IDE: variants seen among roughly 807,000 people sequenced by gnomAD.
IDE encodes the protein insulin degrading enzyme, also known as insulin-degrading enzyme.
IDE carries 58 observed loss-of-function variants against 133.2 expected under a neutral mutation model. The ratio of observed to expected loss-of-function variants is 0.44; its 90% CI spans 0.35 to 0.54. The LOEUF (loss-of-function observed/expected upper bound fraction) is 0.54. IDE is among the 20% of genes least tolerant of loss of function. IDE has a pLI of 0.00. For missense variants in IDE, 981 were observed against 1,234.0 expected (o/e 0.79, Z 3.07); for synonymous variants, 396 against 421.3 (o/e 0.94, Z 0.73).
rs146324648 is a variant in IDE at position 92,477,812 on chromosome 10, T to C, written c.1884+1465A>G. Among the ~76,000 whole-genome samples the C allele has an allele frequency of 1.4e-4, 22 of 152,320 alleles. No individual in the cohort carries two copies. The East Asian group carries it at 3.9e-3, about 27-fold the overall frequency. On this transcript the variant is annotated intron_variant, in intron 15 of 24. Coordinates refer to ENST00000265986, the MANE Select transcript of IDE (RefSeq NM_004969.4). ...TGATTACTTTTCTATTTGGAGCTAATTTTGATCTCTGAGCTTCAAACTTCT... is the reference window on the plus strand; with the variant it reads ...TGATTACTTTTCTATTTGGAGCTAACTTTGATCTCTGAGCTTCAAACTTCT...
At chr10:92,571,678 T>C (rs1843794157) in intron 1 of IDE, among the ~76,000 whole-genome samples, 1 of 152,208 alleles carries the variant, frequency 6.6e-6, no homozygotes, top group South Asian at 2.1e-4. Flanking sequence ...CTTACATAAA[T>C]GCTTTAAGAC....
At chr10:92,500,495 AG>A (rs1847949330) in intron 11 of IDE, among the ~76,000 whole-genome samples, 1 of 152,222 alleles carries the variant, frequency 6.6e-6, no homozygotes, top group Non-Finnish European at 1.5e-5. Context: ...TACTTACATT[AG>A]GTATCGAAAG....
chr10:92,503,987 G>A (rs954783721), intron 11 of IDE, among the ~76,000 whole-genome samples: 2 of 151,498 alleles, frequency 1.3e-5, no homozygotes, highest in Non-Finnish European at 2.9e-5. Flanking sequence ...CAAAGTGCTG[G>A]GATTACAGGC....
intron 18 of IDE, among the ~76,000 whole-genome samples, chr10:92,469,691 T>C (rs1052868375): frequency 6.6e-6 from 1 of 152,158 alleles, no homozygotes; most frequent in Non-Finnish European, 1.5e-5. Context: ...ACTGAGATGA[T>C]AGGCGTGAGC....
intron 1 of IDE, among the ~76,000 whole-genome samples, chr10:92,550,124 C>T (rs1302063430): frequency 6.6e-6 from 1 of 152,016 alleles, no homozygotes; most frequent in Admixed American, 6.6e-5. Context: ...GCTGAGATCA[C>T]GCCATTGCAC....
rs1844873418 is a variant in IDE, at chr10:92,454,299, T to C, written c.*145A>G. 1 of 584,628 alleles carries C rather than the reference T, an allele frequency of 1.7e-6. No individual in the cohort carries two copies. The highest frequency in any genetic ancestry group is 3.1e-6 in the Non-Finnish European group (1 of 322,656). The allele number at this position is 584,628 out of a possible 1,614,324, so 36.2% of individuals were successfully genotyped here. A position where few individuals can be genotyped will look rare whatever the true frequency, so the allele number is the denominator to read the frequency against. Reference sequence around the variant, plus strand: ...TTTGTAATTTACTTTGGATTTATAATATTTCTACATAATGACATTTGACAA... The same window carrying C: ...TTTGTAATTTACTTTGGATTTATAACATTTCTACATAATGACATTTGACAA... On this transcript the variant is annotated 3_prime_UTR_variant, in exon 25 of 25. Transcript: ENST00000265986.
At chr10:92,486,096 C>A (rs944828400) in intron 13 of IDE, among the ~76,000 whole-genome samples, 1 of 152,110 alleles carries the variant, frequency 6.6e-6, no homozygotes, top group African/African-American at 2.4e-5. Context: ...TGCCTCTAAT[C>A]CCAGCACTTT....
chr10:92,487,083 G>C (rs911515587), intron 13 of IDE, 113 bp downstream of exon 13: 7 of 955,362 alleles, frequency 7.3e-6, no homozygotes, highest in Non-Finnish European at 1.1e-5. Context: ...TCACCTATTA[G>C]GATGTGAGCC....
chr10:92,514,709 T>G (rs549332026), intron 5 of IDE, among the ~76,000 whole-genome samples: 128 of 152,046 alleles, frequency 8.4e-4, no homozygotes, highest in African/African-American at 2.9e-3. Context: ...AATTTGTATT[T>G]TTTTTCAGAT....
intron 3 of IDE, among the ~76,000 whole-genome samples, chr10:92,532,710 C>T (rs1850007799): frequency 6.6e-6 from 1 of 152,120 alleles, no homozygotes. Flanking sequence ...GAATTTAACT[C>T]ATGATTCCTG....
rs1844808197 is a variant in IDE at position 92,452,750 on chromosome 10, C to T, written c.*1694G>A. On this transcript the variant is annotated 3_prime_UTR_variant, in exon 25 of 25. Transcript: ENST00000265986. ...CAGTGGTGGATCGGAACACTCAGGC[C>T]TAATTTCAGATCTGTCTTGTATATA... The T allele has an allele frequency of 6.6e-6, 1 of 152,156 alleles. No homozygotes were observed. The highest frequency in any genetic ancestry group is 2.4e-5 in the African/African-American group (1 of 41,442). The allele number at this position is 152,156 out of a possible 1,614,324, so 9.4% of individuals were successfully genotyped here.
intron 4 of IDE, among the ~76,000 whole-genome samples, chr10:92,522,930 AC>A (rs766345738): frequency 5.9e-5 from 9 of 152,204 alleles, no homozygotes; most frequent in Non-Finnish European, 1.0e-4. Context: ...AGCTAAAATT[AC>A]ACTCAGTGAA....
chr10:92,553,770 C>T (rs1371265485), intron 1 of IDE, among the ~76,000 whole-genome samples: 3 of 152,014 alleles, frequency 2.0e-5, no homozygotes, highest in Admixed American at 2.0e-4. Flanking sequence ...TACAACCTAC[C>T]AAGATTGAAC....
chr10:92,550,543 C>T (rs1479039963), intron 1 of IDE, among the ~76,000 whole-genome samples: 3 of 150,564 alleles, frequency 2.0e-5, no homozygotes, highest in African/African-American at 2.4e-5. Flanking sequence ...CCCAGCCAAT[C>T]GGGAGGCTGA....
intron 2 of IDE, among the ~76,000 whole-genome samples, chr10:92,537,157 G>C (rs1299525428): frequency 6.6e-6 from 1 of 152,066 alleles, no homozygotes; most frequent in Middle Eastern, 3.2e-3. Flanking sequence ...ACCTTAGGTG[G>C]GAACCTAACA....
At chr10:92,510,802 C>A (rs548173679) in intron 5 of IDE, among the ~76,000 whole-genome samples, 18 of 149,476 alleles carry the variant, frequency 1.2e-4, no homozygotes, top group African/African-American at 3.7e-4. Context: ...ATATATAGCA[C>A]ATACATATCA....
intron 1 of IDE, among the ~76,000 whole-genome samples, chr10:92,566,409 T>TCA (rs563035723): frequency 0.13 from 18,766 of 143,572 alleles, 1,262 homozygotes; most frequent in Middle Eastern, 0.19. Context: ...TCTCTCTCTC[T>TCA]CTCTCACACA....
intron 21 of IDE, among the ~76,000 whole-genome samples, chr10:92,462,970 G>C (rs1442854334): frequency 2.0e-5 from 3 of 152,220 alleles, no homozygotes; most frequent in Admixed American, 1.3e-4. Context: ...CCTGAGGCAG[G>C]AGAATCGCTT....
chr10:92,502,069 G>A (rs1450667601), intron 11 of IDE, among the ~76,000 whole-genome samples: 1 of 152,030 alleles, frequency 6.6e-6, no homozygotes, highest in Non-Finnish European at 1.5e-5. Flanking sequence ...TTAAGCCCAA[G>A]AGGTCAAGGC....
Sources: allele counts gnomAD v4.1 joint callset (sites outside exome capture counted in the v4.1 genomes callset), GRCh38; gene constraint gnomAD v4.1.1; transcripts MANE v1.5; gene names NCBI Gene and HGNC (gene_info 2026-07-23, HGNC 2026-07-21).